Variants in FNDC3B observed in about 807,000 individuals in gnomAD.
FNDC3B encodes fibronectin type III domain-containing protein 3B.
FNDC3B carries 12 observed loss-of-function variants against 151.5 expected under a neutral mutation model. That is an observed-to-expected ratio of 0.08 (90% CI 0.05 to 0.13). The LOEUF is 0.13. Ranked by LOEUF, FNDC3B falls within the 10% of genes least tolerant of loss-of-function variation. The pLI is 1.00. For synonymous variants in FNDC3B, 528 were observed against 549.0 expected (o/e 0.96, Z 0.54); for missense variants, 1,214 against 1,505.3 (o/e 0.81, Z 3.20).
At chr3:172,288,671 A>T (rs917820455) in intron 7 of FNDC3B, among the ~76,000 whole-genome samples, 2 of 152,368 alleles carry the variant, frequency 1.3e-5, no homozygotes, top group African/African-American at 4.8e-5. Context: ...GAGTCATGAA[A>T]GATCTGTAGA....
chr3:172,361,654 T>A (rs1307286814), intron 22 of FNDC3B, among the ~76,000 whole-genome samples: 1 of 152,202 alleles, frequency 6.6e-6, no homozygotes, highest in African/African-American at 2.4e-5. Context: ...TTCTGAGCCC[T>A]CCAGACTCTT....
chr3:172,199,560 C>T (rs999145360), intron 3 of FNDC3B, among the ~76,000 whole-genome samples: 1 of 152,162 alleles, frequency 6.6e-6, no homozygotes, highest in Non-Finnish European at 1.5e-5. Flanking sequence ...TTAATGTCAT[C>T]AATAGGTTCT....
intron 3 of FNDC3B, among the ~76,000 whole-genome samples, chr3:172,196,981 G>T (rs1441580941): frequency 6.6e-6 from 1 of 152,050 alleles, no homozygotes; most frequent in Non-Finnish European, 1.5e-5. Flanking sequence ...AGGAGTTTGA[G>T]ACCAGCCTGA....
chr3:172,287,732 C>CT (rs1730103088), intron 7 of FNDC3B, among the ~76,000 whole-genome samples: 1 of 152,188 alleles, frequency 6.6e-6, no homozygotes, highest in Non-Finnish European at 1.5e-5. Flanking sequence ...GACAGAATCT[C>CT]TGTTTCTTGT....
At chr3:172,360,393 CT>C (rs906009602) in intron 22 of FNDC3B, among the ~76,000 whole-genome samples, 1 of 152,086 alleles carries the variant, frequency 6.6e-6, no homozygotes, top group Non-Finnish European at 1.5e-5. Context: ...TTCTTCCAGT[CT>C]CTAGTTATTT....
At chr3:172,178,863 C>A (rs916346235) in intron 3 of FNDC3B, among the ~76,000 whole-genome samples, 2 of 152,196 alleles carry the variant, frequency 1.3e-5, no homozygotes, top group Non-Finnish European at 2.9e-5. Context: ...CACACTACCC[C>A]CTTCAGCGCC....
At chr3:172,234,487 T>C (rs1017859270) in intron 4 of FNDC3B, among the ~76,000 whole-genome samples, 2 of 152,218 alleles carry the variant, frequency 1.3e-5, no homozygotes, top group African/African-American at 4.8e-5. Flanking sequence ...TCTTTTCTAA[T>C]CTAAAATTAG....
intron 5 of FNDC3B, among the ~76,000 whole-genome samples, 164 bp downstream of exon 5, chr3:172,247,940 C>T (rs924842931): frequency 6.6e-6 from 1 of 152,080 alleles, no homozygotes; most frequent in African/African-American, 2.4e-5. Flanking sequence ...CTGAATGGTG[C>T]CTTGGAAAAA....
chr3:172,161,427 A>G (rs1245478627), intron 3 of FNDC3B, among the ~76,000 whole-genome samples: 1 of 152,240 alleles, frequency 6.6e-6, no homozygotes, highest in African/African-American at 2.4e-5. Context: ...TTGCATGCAT[A>G]TATGATTTAG....
chr3:172,158,219 C>T (rs1312781894), intron 3 of FNDC3B, among the ~76,000 whole-genome samples: 1 of 152,198 alleles, frequency 6.6e-6, no homozygotes, highest in Admixed American at 6.5e-5. Flanking sequence ...GAGTACACTG[C>T]TATAGCCTAT....
intron 1 of FNDC3B, among the ~76,000 whole-genome samples, chr3:172,065,262 G>A (rs1717435754): frequency 6.6e-6 from 1 of 152,194 alleles, no homozygotes; most frequent in Non-Finnish European, 1.5e-5. Context: ...AACCTGGGAG[G>A]CGGAGGTTGC....
intron 3 of FNDC3B, among the ~76,000 whole-genome samples, chr3:172,175,825 T>C (rs1319953822): frequency 4.0e-5 from 6 of 150,138 alleles, no homozygotes; most frequent in Non-Finnish European, 8.8e-5. Flanking sequence ...GGGGAGGGGA[T>C]CACAGTAGTA....
At chr3:172,335,105 CTGT>C in intron 15 of FNDC3B, 23 bp downstream of exon 15, 1 of 1,435,160 alleles carries the variant, frequency 7.0e-7, no homozygotes, top group Non-Finnish European at 9.2e-7. Flanking sequence ...GCTGCTGCTA[CTGT>C]TTTTTTTTTT....
At chr3:172,239,057 T>TTA (rs10634170) in intron 4 of FNDC3B, among the ~76,000 whole-genome samples, 91,961 of 151,766 alleles carry the variant, frequency 0.61, 29,672 homozygotes, top group African/African-American at 0.86. Flanking sequence ...TAATTTATTT[T>TTA]TTTTTTTTTA....
chr3:172,119,858 C>T (rs967845781), intron 2 of FNDC3B, among the ~76,000 whole-genome samples: 5 of 152,082 alleles, frequency 3.3e-5, no homozygotes, highest in South Asian at 4.1e-4. Flanking sequence ...ATCACAAGCA[C>T]CCCCCACAAC....
intron 2 of FNDC3B, among the ~76,000 whole-genome samples, chr3:172,114,693 C>G (rs771957317): frequency 6.6e-6 from 1 of 152,072 alleles, no homozygotes; most frequent in Non-Finnish European, 1.5e-5. Flanking sequence ...TGAGACCAGC[C>G]TGGGCAACAA....
intron 6 of FNDC3B, among the ~76,000 whole-genome samples, chr3:172,262,890 G>A (rs902555643): frequency 8.4e-5 from 5 of 59,696 alleles, no homozygotes; most frequent in Non-Finnish European, 1.1e-4. Flanking sequence ...GAGTGAGACC[G>A]ACTCAAAAAA....
intron 3 of FNDC3B, among the ~76,000 whole-genome samples, chr3:172,201,275 G>T (rs1275579761): frequency 6.6e-5 from 10 of 152,142 alleles, no homozygotes; most frequent in Non-Finnish European, 1.3e-4. Context: ...TGGGGGAAGC[G>T]CAGGGTGGAG....
chr3:172,371,705 G>T (rs372713609), intron 23 of FNDC3B, among the ~76,000 whole-genome samples: 61 of 152,276 alleles, frequency 4.0e-4, no homozygotes, highest in Middle Eastern at 3.4e-3. Flanking sequence ...TAGATTGGGC[G>T]CATTGCCCCA....
Sources: gnomAD v4.1 joint callset for allele counts (sites outside exome capture counted in the v4.1 genomes callset) on GRCh38, gnomAD v4.1.1 for gene constraint, MANE v1.5 for transcripts, NCBI Gene and HGNC (gene_info 2026-07-23, HGNC 2026-07-21) for gene names.